The following PRSS57 variants were observed in gnomAD, a reference collection of about 807,000 sequenced individuals.
PRSS57 encodes the protein serine protease 57.
PRSS57 carries 19 observed loss-of-function variants against 20.6 expected under a neutral mutation model. That is an observed-to-expected ratio of 0.92 (90% confidence interval 0.64 to 1.35). The LOEUF is 1.35. Ranked by LOEUF, PRSS57 falls within the 40% of genes most tolerant of loss-of-function variation. The pLI is 0.00. For missense variants in PRSS57, 440 were observed against 403.7 expected (o/e 1.09, Z -0.77); for synonymous variants, 203 against 176.6 (o/e 1.15, Z -1.19).
intron 3 of PRSS57, among the ~76,000 whole-genome samples, chr19:691,416 A>T (rs758622144): frequency 1.3e-5 from 2 of 151,684 alleles, no homozygotes; most frequent in Non-Finnish European, 2.9e-5. Context: ...GAGGCAGGAG[A>T]ATCACTTGAG....
intron 2 of PRSS57, among the ~76,000 whole-genome samples, chr19:692,629 C>G (rs1207304106): frequency 6.6e-6 from 1 of 151,696 alleles, no homozygotes; most frequent in Non-Finnish European, 1.5e-5. Flanking sequence ...GTTGGCCAGG[C>G]TGGTCTCGAA....
rs1481115013 is a variant in PRSS57, at chr19:692,015, G to A, written c.234-13C>T. 3 of 1,310,870 alleles carry A rather than the reference G, an allele frequency of 2.3e-6. No homozygotes were observed. The highest frequency in any genetic ancestry group is 2.0e-6 in the Non-Finnish European group (2 of 1,021,652). The allele number at this position is 1,310,870 out of a possible 1,614,324, so 81.2% of individuals were successfully genotyped here. A position where few individuals can be genotyped will look rare whatever the true frequency, so the allele number is the denominator to read the frequency against. ...AGTGCGGAGGTCTCTGCAGGGAGGA[G>A]GTGGTGGGTGAGACGGGGGTGAGGG... On this transcript the variant is annotated splice_polypyrimidine_tract_variant and intron_variant, in intron 2 of 4. Coordinates refer to ENST00000329267, the MANE Select transcript of PRSS57 (RefSeq NM_001308209.2).
chr19:692,656 A>T (rs1389559401), intron 2 of PRSS57, among the ~76,000 whole-genome samples: 1 of 151,718 alleles, frequency 6.6e-6, no homozygotes, highest in Non-Finnish European at 1.5e-5. Context: ...ACCTGAAGTG[A>T]TCCACCTGCC....
chr19:686,561 G>A (rs527618317), intron 4 of PRSS57, among the ~76,000 whole-genome samples: 77 of 152,130 alleles, frequency 5.1e-4, no homozygotes, highest in Middle Eastern at 3.4e-3. Context: ...GAACCAAGTC[G>A]CTCTCTTGCC....
chr19:692,262 G>A (rs540548642), intron 2 of PRSS57, among the ~76,000 whole-genome samples: 13 of 151,536 alleles, frequency 8.6e-5, no homozygotes, highest in East Asian at 7.9e-4. Flanking sequence ...CCAGCTACTC[G>A]GGAGGCTGAG....
At chr19:687,310 G>A (rs1168467731) in intron 3 of PRSS57, 122 bp from the exon 4 acceptor site, 3 of 1,197,956 alleles carry the variant, frequency 2.5e-6, no homozygotes, top group Non-Finnish European at 3.4e-6. Context: ...GCCACCATGA[G>A]GCCGGGTCAG....
chr19:694,979 A>G lies in PRSS57; in HGVS notation c.80-12T>C. On this transcript the variant is annotated splice_polypyrimidine_tract_variant and intron_variant, in intron 1 of 4. Coordinates refer to ENST00000329267, the MANE Select transcript of PRSS57 (RefSeq NM_001308209.2). ...GGCCCCCCAGGAGCCTGCTGGAGGG[A>G]CGGCCTGAGTCAGGGACGAGGCGGG... 6.6e-7 allele frequency: 1 copy of G among 1,522,210 alleles called. No homozygotes were observed. The highest frequency in any genetic ancestry group is 1.3e-5 in the South Asian group (1 of 79,656). 94.3% of individuals were successfully genotyped at this position (1,522,210 alleles called of 1,614,324 possible).
At chr19:692,142 G>A (rs536253816) in intron 2 of PRSS57, 140 bp from the exon 3 acceptor site, 2 of 863,898 alleles carry the variant, frequency 2.3e-6, no homozygotes, top group African/African-American at 1.8e-5. Flanking sequence ...GGGTGAGGAG[G>A]GTGGATCACC....
At position 694,857 on chromosome 19, in the gene PRSS57, G is replaced by A. The variant is rs781750245; in HGVS notation, c.190C>T (p.Arg64Ter). The A allele has an allele frequency of 8.1e-6, 13 of 1,606,362 alleles. No individual in the cohort carries two copies. Among genetic ancestry groups the A allele is most frequent in the East Asian group, 6.8e-5 (3 of 44,334 alleles). Residue 64 changes from arginine (R) to a stop codon, truncating the protein, a stop_gained, in exon 2 of 5, where the codon CGA (arginine) becomes TGA (stop). Transcript: ENST00000329267. LOFTEE classifies it high-confidence loss of function. ...GCGGCCGAGACCACCCAGCGGGCTCGCAGCAGGAAGCCTCCGCAGTGATGT... is the reference window on the plus strand; with the variant it reads ...GCGGCCGAGACCACCCAGCGGGCTCACAGCAGGAAGCCTCCGCAGTGATGT... ...GQHHCGGFLLRARWVVSAAHC... is the reference protein window; with the variant it reads ...GQHHCGGFLL
chr19:685,820 G>A lies in PRSS57; in HGVS notation c.745C>T (p.Gln249Ter). The A allele has an allele frequency of 6.4e-7, 1 of 1,566,058 alleles. No homozygotes were observed. Among genetic ancestry groups the A allele is most frequent in the Non-Finnish European group, 8.7e-7 (1 of 1,155,350 alleles). ...GDPKTPDVYT[Q>*]VSAFVAWIWD... is the part of the protein sequence containing the mutation. ...ATCCAGGCCACAAAGGCGGACACCT[G>A]CGTGTACACGTCGGGGGTCTTGGGG... The change falls in exon 5 of 5, where the codon CAG becomes TAG. Residue 249 changes from glutamine (Q) to a stop codon, truncating the protein, a stop_gained. Coordinates refer to ENST00000329267, the MANE Select transcript of PRSS57 (RefSeq NM_001308209.2). LOFTEE classifies it low-confidence loss of function (END_TRUNC).
chr19:688,602 C>CTTTTTTTTTTTTT (rs11451021), intron 3 of PRSS57, among the ~76,000 whole-genome samples: 9,503 of 108,824 alleles, frequency 0.087, 1,082 homozygotes, highest in East Asian at 0.14. Flanking sequence ...CACCCAGGGA[C>CTTTTTTTTTTTTT]TTTTTTTTTT....
intron 3 of PRSS57, among the ~76,000 whole-genome samples, chr19:688,080 G>A (rs187965831): frequency 3.0e-4 from 46 of 152,344 alleles, no homozygotes; most frequent in African/African-American, 1.1e-3. Context: ...GCCCAGCACC[G>A]GGCCTCTGGC....
intron 4 of PRSS57, 49 bp downstream of exon 4, chr19:686,876 C>T: frequency 6.3e-7 from 1 of 1,577,394 alleles, no homozygotes. Context: ...TCTCTGTGGG[C>T]CTTGGTTTCC....
At chr19:689,450 CTG>C (rs915489203) in intron 3 of PRSS57, among the ~76,000 whole-genome samples, 60 of 152,056 alleles carry the variant, frequency 3.9e-4, no homozygotes, top group African/African-American at 1.4e-3. Flanking sequence ...GGAGCGGAGA[CTG>C]TGCTGGGGAT....
intron 3 of PRSS57, among the ~76,000 whole-genome samples, chr19:687,430 G>C (rs2031513681): frequency 6.6e-6 from 1 of 152,002 alleles, no homozygotes; most frequent in Non-Finnish European, 1.5e-5. Flanking sequence ...TTTTGAGATG[G>C]AGTCTCGCTC....
chr19:695,383 G>A lies in PRSS57; in HGVS notation c.48C>T (p.Ala16=). The change falls in exon 1 of 5, where the codon GCC becomes GCT. Residue 16 remains alanine, a synonymous_variant. Coordinates refer to ENST00000329267, the MANE Select transcript of PRSS57 (RefSeq NM_001308209.2). ...GCTTCACGGGCAGCATCAGGGCGGT[G>A]GCCACAGTCAGCAGAGGACGTCCCC... is the stretch of plus-strand genomic sequence containing the variant. The part of the protein sequence containing the change: ...RGWGRPLLTV[A]TALMLPVKPP... 1 of 1,282,860 alleles carries A rather than the reference G, an allele frequency of 7.8e-7. No individual in the cohort carries two copies. The highest frequency in any genetic ancestry group is 9.9e-7 in the Non-Finnish European group (1 of 1,009,782). The allele number at this position is 1,282,860 out of a possible 1,614,324, so 79.5% of individuals were successfully genotyped here. A position where few individuals can be genotyped will look rare whatever the true frequency, so the allele number is the denominator to read the frequency against.
At chr19:693,056 T>C (rs1001529340) in intron 2 of PRSS57, among the ~76,000 whole-genome samples, 6 of 151,412 alleles carry the variant, frequency 4.0e-5, no homozygotes, top group Non-Finnish European at 5.9e-5. Context: ...GCCTCCTGAA[T>C]AGCTGGGACT....
chr19:692,126 T>C (rs1398461432), intron 2 of PRSS57, 124 bp from the exon 3 acceptor site: 2 of 1,023,142 alleles, frequency 2.0e-6, no homozygotes, highest in Non-Finnish European at 2.5e-6. Context: ...TCCCAGCACT[T>C]TGGGAGGGTG....
At chr19:691,418 T>A (rs1599117758) in intron 3 of PRSS57, among the ~76,000 whole-genome samples, 1 of 149,330 alleles carries the variant, frequency 6.7e-6, no homozygotes, top group African/African-American at 2.5e-5. Flanking sequence ...GGCAGGAGAA[T>A]CACTTGAGCC....
Sources: gnomAD v4.1 joint callset for allele counts (sites outside exome capture counted in the v4.1 genomes callset) on GRCh38, gnomAD v4.1.1 for gene constraint, MANE v1.5 for transcripts, NCBI Gene and HGNC (gene_info 2026-07-23, HGNC 2026-07-21) for gene names.